Variants in CMIP observed in about 807,000 individuals in gnomAD.
The protein encoded by CMIP is C-Maf-inducing protein.
CMIP carries 13 observed loss-of-function variants against 97.3 expected under a neutral mutation model. That is an observed-to-expected ratio of 0.13 (90% CI 0.09 to 0.21). CMIP has a LOEUF of 0.21. Ranked by LOEUF, CMIP falls within the 10% of genes least tolerant of loss-of-function variation. CMIP has a pLI of 1.00. For missense variants in CMIP, 847 were observed against 1,024.9 expected (o/e 0.83, Z 2.37); for synonymous variants, 538 against 436.3 (o/e 1.23, Z -2.91).
At chr16:81,502,886 C>G (rs569495028) in intron 1 of CMIP, among the ~76,000 whole-genome samples, 1 of 152,178 alleles carries the variant, frequency 6.6e-6, no homozygotes, top group Non-Finnish European at 1.5e-5. Context: ...CCAGGCTGTG[C>G]GGAGCCACTG....
intron 1 of CMIP, among the ~76,000 whole-genome samples, chr16:81,493,567 A>G (rs1376596746): frequency 6.6e-6 from 1 of 152,250 alleles, no homozygotes; most frequent in Non-Finnish European, 1.5e-5. Flanking sequence ...AGCAGCCAGC[A>G]TGGCGCAAGC....
chr16:81,649,411 A>G (rs1047960615), intron 3 of CMIP, among the ~76,000 whole-genome samples: 7 of 152,232 alleles, frequency 4.6e-5, no homozygotes, highest in South Asian at 2.1e-4. Flanking sequence ...GGGCCCTGCT[A>G]TGCCTCAGAC....
chr16:81,585,736 A>G (rs184740327), intron 1 of CMIP, among the ~76,000 whole-genome samples: 9 of 126,776 alleles, frequency 7.1e-5, no homozygotes, highest in Non-Finnish European at 1.6e-4. Flanking sequence ...CTGCTGGAGG[A>G]TTGGGCTGGA....
intron 1 of CMIP, among the ~76,000 whole-genome samples, chr16:81,513,907 A>G (rs1306991158): frequency 6.6e-6 from 1 of 152,170 alleles, no homozygotes; most frequent in African/African-American, 2.4e-5. Flanking sequence ...CCCTCAGCCT[A>G]GGTGGGGCAT....
At chr16:81,563,074 A>G (rs796398597) in intron 1 of CMIP, among the ~76,000 whole-genome samples, 12 of 152,358 alleles carry the variant, frequency 7.9e-5, no homozygotes, top group African/African-American at 2.6e-4. Context: ...GACCCGCCAG[A>G]GGAAAAACCA....
chr16:81,542,789 C>G (rs1195450460), intron 1 of CMIP, among the ~76,000 whole-genome samples: 6 of 152,204 alleles, frequency 3.9e-5, no homozygotes. Flanking sequence ...ATGACCTCCT[C>G]AAACCCTAAT....
intron 1 of CMIP, among the ~76,000 whole-genome samples, chr16:81,562,058 C>T (rs915948082): frequency 6.6e-6 from 1 of 152,126 alleles, no homozygotes; most frequent in South Asian, 2.1e-4. Context: ...AGGACACACT[C>T]GTGGGTTAGA....
chr16:81,661,991 C>T (rs1483244505), intron 6 of CMIP, among the ~76,000 whole-genome samples: 1 of 152,054 alleles, frequency 6.6e-6, no homozygotes, highest in Non-Finnish European at 1.5e-5. Context: ...GAGTGAACAC[C>T]CGTGAGTGTG....
Position 81,709,779 on chromosome 16 carries a change from C to T in CMIP, c.2302C>T (p.Arg768Cys), listed in dbSNP as rs1908556141. 6 of 1,613,782 alleles carry T rather than the reference C, an allele frequency of 3.7e-6. No individual in the cohort carries two copies. The highest frequency in any genetic ancestry group is 1.3e-5 in the African/African-American group (1 of 74,934). ...KLPNLKEVDVRYTEAW is the reference protein window; with the variant it reads ...KLPNLKEVDVCYTEAW ...TCCCAATTTGAAGGAAGTGGACGTC[C>T]GCTACACCGAAGCCTGGTGAAGCTC... Residue 768 changes from arginine to cysteine, a missense_variant, in exon 21 of 21, where the codon CGC (arginine) becomes TGC (cysteine). Arg to Cys is a radical substitution (Grantham distance 180). This residue lies in a region of CMIP where 266 missense variants were observed against 384.2 expected (regional missense o/e 0.69). Transcript: ENST00000537098.
At chr16:81,610,701 T>C (rs1304815174) in intron 2 of CMIP, among the ~76,000 whole-genome samples, 1 of 152,112 alleles carries the variant, frequency 6.6e-6, no homozygotes, top group East Asian at 1.9e-4. Context: ...TGGCTCATTC[T>C]ATAAACAGGG....
Position 81,696,320 on chromosome 16 carries a change from C to T in CMIP, c.1531-240C>T. On this transcript the variant is annotated intron_variant, in intron 13 of 20. Transcript: ENST00000537098. ...CCAATCAAGCCGGGGCCTGCCCTCC[C>T]TCCTGTGCAGCTGACAGCCAGTAGC... is the stretch of plus-strand genomic sequence containing the variant. 5.1e-6 allele frequency: 3 copies of T among 583,992 alleles called. No homozygotes were observed. The South Asian group carries it at 5.9e-5, about 12-fold the overall frequency. The allele number at this position is 583,992 out of a possible 1,614,324, so 36.2% of individuals were successfully genotyped here.
intron 1 of CMIP, among the ~76,000 whole-genome samples, chr16:81,522,304 A>G (rs779496610): frequency 5.9e-5 from 9 of 152,118 alleles, no homozygotes; most frequent in South Asian, 2.1e-4. Flanking sequence ...CTGGATTGAC[A>G]CAGGAGGGAC....
intron 1 of CMIP, among the ~76,000 whole-genome samples, chr16:81,521,003 G>GC (rs2090015132): frequency 6.6e-6 from 1 of 152,158 alleles, no homozygotes; most frequent in Admixed American, 6.5e-5. Flanking sequence ...AGGACCCCCC[G>GC]CCCCCTGGGC....
intron 1 of CMIP, among the ~76,000 whole-genome samples, chr16:81,449,826 G>A (rs528728079): frequency 6.6e-6 from 1 of 152,350 alleles, no homozygotes; most frequent in Admixed American, 6.5e-5. Context: ...AACGTGGTCT[G>A]CCTTTCCCAG....
intron 1 of CMIP, among the ~76,000 whole-genome samples, chr16:81,489,456 G>C (rs1252546085): frequency 6.6e-6 from 1 of 152,218 alleles, no homozygotes; most frequent in African/African-American, 2.4e-5. Flanking sequence ...CATCACTTGG[G>C]TGCAGGGGCT....
intron 5 of CMIP, 129 bp downstream of exon 5, chr16:81,657,945 T>C: frequency 1.4e-6 from 1 of 738,042 alleles, no homozygotes; most frequent in Non-Finnish European, 2.2e-6. Context: ...CGTTTTGTCT[T>C]TTCTAGCAAG....
Position 81,655,967 on chromosome 16 carries a change from A to G in CMIP, c.640-1808A>G, listed in dbSNP as rs1284137349. 6.6e-6 allele frequency among the ~76,000 whole-genome samples: 1 copy of G among 152,208 alleles called. No individual in the cohort carries two copies. Among genetic ancestry groups the G allele is most frequent in the Admixed American group, 6.5e-5 (1 of 15,294 alleles). On this transcript the variant is annotated intron_variant, in intron 4 of 20. Transcript: ENST00000537098. This position sits in a 1 kb window ranked among gnomAD's most constrained non-coding sequence, Gnocchi z 4.9. ...AGCTCAGCAGTCATAAGGAGAGACC[A>G]AGGCCAGGCTTCTCCCCGAAGCTGA...
intron 1 of CMIP, among the ~76,000 whole-genome samples, chr16:81,475,853 G>A (rs1907876061): frequency 6.6e-6 from 1 of 151,974 alleles, no homozygotes. Flanking sequence ...TGGGTGTGGT[G>A]GGGGGCGCCT....
chr16:81,559,748 C>A (rs368070438), intron 1 of CMIP, among the ~76,000 whole-genome samples: 3 of 152,146 alleles, frequency 2.0e-5, no homozygotes, highest in Admixed American at 6.5e-5. Context: ...CTTGTGCATT[C>A]GCTCTACTGT....
Sources: gnomAD v4.1 joint callset for allele counts (sites outside exome capture counted in the v4.1 genomes callset) on GRCh38, gnomAD v4.1.1 for gene constraint, gnomAD v4.1.1 regional missense constraint, Gnocchi (gnomAD v3.1) non-coding constraint, MANE v1.5 for transcripts, NCBI Gene and HGNC (gene_info 2026-07-23, HGNC 2026-07-21) for gene names.